CNOT2: variants seen among roughly 807,000 people sequenced by gnomAD.
CNOT2 encodes CCR4-NOT transcription complex subunit 2, also known as CC chemokine receptor 4-negative regulator of transcription 2.
A neutral mutation model predicts 72.1 loss-of-function variants in CNOT2; 7 were observed. The ratio of observed to expected loss-of-function variants is 0.10; its 90% confidence interval spans 0.06 to 0.18. The LOEUF is 0.18. Among genes scored for constraint, CNOT2 ranks in the 10% least tolerant of loss-of-function variants. The pLI, the probability that CNOT2 is intolerant of heterozygous loss-of-function variation, is 1.00. For missense variants in CNOT2, 345 were observed against 660.3 expected, an observed-to-expected ratio of 0.52 and a Z score of 5.23; for synonymous variants, 196 against 225.6, an observed-to-expected ratio of 0.87 and a Z score of 1.17.
intron 2 of CNOT2, among the ~76,000 whole-genome samples, chr12:70,286,561 A>G (rs1870929953): frequency 6.7e-6 from 1 of 149,786 alleles, no homozygotes; most frequent in Non-Finnish European, 1.5e-5. Context: ...GTTTCTCTTT[A>G]TATGCATGGA....
intron 1 of CNOT2, among the ~76,000 whole-genome samples, chr12:70,245,319 C>T (rs1199995362): frequency 1.3e-5 from 2 of 152,110 alleles, no homozygotes; most frequent in Non-Finnish European, 2.9e-5. Flanking sequence ...TTGTAAGATC[C>T]TTACTGTAAA....
intron 13 of CNOT2, among the ~76,000 whole-genome samples, chr12:70,342,804 C>G (rs1052580449): frequency 1.3e-5 from 2 of 152,028 alleles, no homozygotes; most frequent in Non-Finnish European, 2.9e-5. Flanking sequence ...AATGGTGGCA[C>G]TTTTTGCTTT....
chr12:70,277,052 A>G (rs1297003787), intron 1 of CNOT2, among the ~76,000 whole-genome samples: 1 of 152,070 alleles, frequency 6.6e-6, no homozygotes, highest in Admixed American at 6.5e-5. Context: ...TAATAATTCT[A>G]ATTCACTCTC....
At chr12:70,284,119 G>A in intron 2 of CNOT2, among the ~76,000 whole-genome samples, 1 of 151,240 alleles carries the variant, frequency 6.6e-6, no homozygotes, top group Non-Finnish European at 1.5e-5. Flanking sequence ...TTGTGTATTT[G>A]TTTTTTGGTA....
At chr12:70,262,826 A>T (rs1958844535) in intron 1 of CNOT2, among the ~76,000 whole-genome samples, 1 of 151,994 alleles carries the variant, frequency 6.6e-6, no homozygotes, top group African/African-American at 2.4e-5. Context: ...GGCGCCTGCC[A>T]CCACACCTGG....
intron 1 of CNOT2, among the ~76,000 whole-genome samples, chr12:70,271,943 A>G (rs367932748): frequency 4.6e-5 from 7 of 152,224 alleles, no homozygotes; most frequent in African/African-American, 1.7e-4. Flanking sequence ...AAAGTTAATT[A>G]CTAATCCTAC....
intron 2 of CNOT2, among the ~76,000 whole-genome samples, chr12:70,299,378 C>T (rs544934750): frequency 8.3e-6 from 1 of 119,908 alleles, no homozygotes; most frequent in East Asian, 2.7e-4. Flanking sequence ...CCCCCCTCCC[C>T]CCACCCCCCA....
At chr12:70,274,429 T>TA (rs961043984) in intron 1 of CNOT2, among the ~76,000 whole-genome samples, 10 of 151,986 alleles carry the variant, frequency 6.6e-5, no homozygotes, top group Admixed American at 5.2e-4. Flanking sequence ...TGTCTTCTGT[T>TA]AAAAAAAGAG....
intron 1 of CNOT2, among the ~76,000 whole-genome samples, chr12:70,246,480 A>C (rs996090525): frequency 6.6e-6 from 1 of 152,146 alleles, no homozygotes; most frequent in Non-Finnish European, 1.5e-5. Context: ...GTGTACTGTA[A>C]TGTTTGAGTG....
upstream of CNOT2, chr12:70,243,255 G>C (rs1364249479): frequency 6.6e-6 from 1 of 152,670 alleles, no homozygotes; most frequent in Non-Finnish European, 1.5e-5. Context: ...CGGTAGGGAA[G>C]TGAAGCGCCT....
At chr12:70,257,908 G>A (rs184198317) in intron 1 of CNOT2, among the ~76,000 whole-genome samples, 5 of 152,278 alleles carry the variant, frequency 3.3e-5, no homozygotes, top group African/African-American at 1.2e-4. Context: ...CAGCAAAGCT[G>A]TGCCAGTTTA....
chr12:70,300,439 G>A (rs565582766), intron 2 of CNOT2, among the ~76,000 whole-genome samples: 1 of 152,098 alleles, frequency 6.6e-6, no homozygotes, highest in African/African-American at 2.4e-5. Context: ...TCTACATATG[G>A]CTAGCCAGTT....
intron 2 of CNOT2, among the ~76,000 whole-genome samples, chr12:70,291,859 C>T (rs972207036): frequency 6.6e-6 from 1 of 152,144 alleles, no homozygotes; most frequent in African/African-American, 2.4e-5. Context: ...ATGGCGTGAA[C>T]CAGGGAGGCG....
chr12:70,326,664 C>T (rs1303782359), intron 4 of CNOT2, among the ~76,000 whole-genome samples: 1 of 151,568 alleles, frequency 6.6e-6, no homozygotes, highest in South Asian at 2.1e-4. Flanking sequence ...TATACCTTTC[C>T]AGTGCCATTC....
intron 1 of CNOT2, among the ~76,000 whole-genome samples, chr12:70,258,770 A>G (rs1454464648): frequency 6.6e-6 from 1 of 152,210 alleles, no homozygotes; most frequent in Non-Finnish European, 1.5e-5. Context: ...ATTTCCCCTC[A>G]AGGCGTGAGC....
At chr12:70,299,545 AC>A (rs1873493372) in intron 2 of CNOT2, among the ~76,000 whole-genome samples, 1 of 152,110 alleles carries the variant, frequency 6.6e-6, no homozygotes, top group Non-Finnish European at 1.5e-5. Flanking sequence ...CCTACAAAGG[AC>A]ATGAACTCAT....
intron 2 of CNOT2, among the ~76,000 whole-genome samples, chr12:70,291,962 C>T (rs1368670363): frequency 4.0e-5 from 6 of 151,866 alleles, no homozygotes; most frequent in South Asian, 2.1e-4. Flanking sequence ...AACAACACCA[C>T]GGTAATAGAT....
chr12:70,319,263 T>G, intron 3 of CNOT2, 35 bp from the exon 4 acceptor site: 1 of 1,585,290 alleles, frequency 6.3e-7, no homozygotes, highest in Non-Finnish European at 8.6e-7. Flanking sequence ...CTGCTCTGTT[T>G]TCTTTATGCT....
Position 70,278,080 on chromosome 12 carries a change from GA to G in CNOT2, c.-95-51del, listed in dbSNP as rs1869163781. ...CATATTGAATATTTTTGCTGCTGTT[GA>G]TATATTTACATGTTAGTAATTTTGA... On this transcript the variant is annotated intron_variant, in intron 1 of 15. Transcript: ENST00000229195. 12 of 540,298 alleles carry G rather than the reference GA, an allele frequency of 2.2e-5. No individual in the cohort carries two copies. The South Asian group carries it at 3.6e-4, about 16-fold the overall frequency. 33.5% of individuals were successfully genotyped at this position (540,298 alleles called of 1,614,324 possible).
Sources: allele counts gnomAD v4.1 joint callset (sites outside exome capture counted in the v4.1 genomes callset), GRCh38; gene constraint gnomAD v4.1.1; transcripts MANE v1.5; gene names NCBI Gene and HGNC (gene_info 2026-07-23, HGNC 2026-07-21).